Variants in IL12RB1 observed in about 807,000 individuals in gnomAD.
IL12RB1 encodes interleukin 12 receptor subunit beta 1, also known as interleukin-12 receptor subunit beta-1.
IL12RB1 carries 64 observed loss-of-function variants against 94.4 expected under a neutral mutation model. That is an observed-to-expected ratio of 0.68 (90% CI 0.55 to 0.83). The LOEUF is 0.83. Among genes scored for constraint, IL12RB1 ranks in the 40% least tolerant of loss-of-function variants. IL12RB1 has a pLI of 0.00. For missense variants in IL12RB1, 814 were observed against 855.6 expected, an observed-to-expected ratio of 0.95 and a Z score of 0.61; for synonymous variants, 362 against 355.5, an observed-to-expected ratio of 1.02 and a Z score of -0.21.
chr19:18,061,760 G>A (rs968891291), intron 14 of IL12RB1, among the ~76,000 whole-genome samples: 2 of 152,016 alleles, frequency 1.3e-5, no homozygotes, highest in African/African-American at 2.4e-5. Context: ...CTACTTGGGA[G>A]GCTGAGACAG....
chr19:18,079,998 C>G, intron 4 of IL12RB1, among the ~76,000 whole-genome samples: 1 of 152,146 alleles, frequency 6.6e-6, no homozygotes. Context: ...TGTCCTCCAG[C>G]TTTGTCCATG....
intron 13 of IL12RB1, among the ~76,000 whole-genome samples, chr19:18,063,082 T>C (rs1399228414): frequency 3.3e-5 from 1 of 30,130 alleles, no homozygotes; most frequent in African/African-American, 8.9e-5. Flanking sequence ...TCTTCTATTT[T>C]TTTTTTTTTT....
Position 18,086,256 on chromosome 19 carries a change from ATAAATAAATAAATAAG to A in IL12RB1, c.64+488_64+503del, listed in dbSNP as rs1412070176. ...AATAAATAAATAAATAAATAAATAA[ATAAATAAATAAATAAG>A]TAAAGTATACGGAAGGATGTGCATA... On this transcript the variant is annotated intron_variant, in intron 1 of 16. Transcript: ENST00000593993. Among the ~76,000 whole-genome samples the A allele has an allele frequency of 3.5e-5, 5 of 144,846 alleles. No homozygotes were observed. The East Asian group carries it at 8.4e-4, about 24-fold the overall frequency.
At position 18,076,417 on chromosome 19, in the gene IL12RB1, A is replaced by T. The variant is rs2035483977; in HGVS notation, c.550-90T>A. The T allele has an allele frequency of 5.4e-5, 40 of 742,782 alleles. No homozygotes were observed. In the South Asian group the frequency reaches 5.5e-4, roughly 10 times the overall value. 46.0% of individuals were successfully genotyped at this position (742,782 alleles called of 1,614,324 possible). Reference sequence around the variant, plus strand: ...CAATTAGTTATTTATTTACTTATTTATCTGAGACACGGTCTCACTCTGTCA... The same window carrying T: ...CAATTAGTTATTTATTTACTTATTTTTCTGAGACACGGTCTCACTCTGTCA... On this transcript the variant is annotated intron_variant, in intron 5 of 16. Coordinates refer to ENST00000593993, the MANE Select transcript of IL12RB1 (RefSeq NM_005535.3).
chr19:18,071,397 CTT>C (rs774081215), intron 9 of IL12RB1: 209 of 892,360 alleles, frequency 2.3e-4, no homozygotes, highest in Non-Finnish European at 3.1e-4. Context: ...AGCCTTTTTT[CTT>C]TCTTTCTCTC....
At chr19:18,087,493 A>G (rs2036420393), upstream of IL12RB1, among the ~76,000 whole-genome samples, 1 of 151,812 alleles carries the variant, frequency 6.6e-6, no homozygotes, top group Non-Finnish European at 1.5e-5. Flanking sequence ...GACAGGCGTG[A>G]GCTACCGTGC....
At chr19:18,092,184 C>CT (rs112888209) in intron 1 of IL12RB1, among the ~76,000 whole-genome samples, 3,524 of 129,356 alleles carry the variant, frequency 0.027, 55 homozygotes, top group Non-Finnish European at 0.034. Flanking sequence ...GACCATCCAG[C>CT]TTTTTTTTTT....
At chr19:18,061,237 T>G (rs1441609018) in intron 14 of IL12RB1, 40 bp from the exon 15 acceptor site, 1 of 1,107,896 alleles carries the variant, frequency 9.0e-7, no homozygotes. Flanking sequence ...GCTGAGGTTT[T>G]TTTTTTTTTT....
chr19:18,075,818 G>T lies in IL12RB1; in HGVS notation c.631C>A (p.Arg211=). ...EMNVAQEFQL[R]RRQLGSQGSS... Reference sequence around the variant, plus strand: ...CCTTGGCTCCCCAGCTGCCGTCGTCGGAGCTGGAATTCCTGGGCCACATTC... The same window carrying T: ...CCTTGGCTCCCCAGCTGCCGTCGTCTGAGCTGGAATTCCTGGGCCACATTC... The change falls in exon 7 of 17, where the codon CGA becomes AGA. Residue 211 remains arginine, a synonymous_variant. Transcript: ENST00000593993. The T allele has an allele frequency of 6.2e-7, 1 of 1,612,978 alleles. No homozygotes were observed. The highest frequency in any genetic ancestry group is 1.1e-5 in the South Asian group (1 of 91,044).
chr19:18,061,067 T>A, intron 15 of IL12RB1, 55 bp downstream of exon 15: 1 of 923,082 alleles, frequency 1.1e-6, no homozygotes, highest in Non-Finnish European at 1.8e-6. Flanking sequence ...TGCGTAACCC[T>A]TGTCCAGCAT....
At chr19:18,068,908 C>G (rs1568494305) in intron 10 of IL12RB1, among the ~76,000 whole-genome samples, 1 of 152,014 alleles carries the variant, frequency 6.6e-6, no homozygotes, top group Non-Finnish European at 1.5e-5. Flanking sequence ...CACCATCATG[C>G]CTGGCTAATT....
upstream of IL12RB1, among the ~76,000 whole-genome samples, chr19:18,089,784 A>G (rs564880188): frequency 2.0e-4 from 31 of 152,208 alleles, no homozygotes; most frequent in Non-Finnish European, 3.5e-4. Flanking sequence ...GGGTTGTGCA[A>G]TGCGGTTCAG....
chr19:18,063,739 T>G, intron 13 of IL12RB1, 137 bp downstream of exon 13: 1 of 746,646 alleles, frequency 1.3e-6, no homozygotes, highest in Non-Finnish European at 2.1e-6. Context: ...GGGAGCAGTT[T>G]GAGCTGCTAC....
chr19:18,065,054 C>T (rs2034480559), intron 12 of IL12RB1, among the ~76,000 whole-genome samples: 1 of 152,132 alleles, frequency 6.6e-6, no homozygotes, highest in South Asian at 2.1e-4. Flanking sequence ...TAATTAAAAG[C>T]GGGTATAAAT....
chr19:18,083,124 GT>G (rs1011117342), intron 2 of IL12RB1: 2 of 535,044 alleles, frequency 3.7e-6, no homozygotes, highest in Non-Finnish European at 6.7e-6. Flanking sequence ...AATTTATCAG[GT>G]TGGGGGGGGG....
chr19:18,062,998 TTCCTCC>T (rs66462934), intron 13 of IL12RB1, among the ~76,000 whole-genome samples: 70 of 90,818 alleles, frequency 7.7e-4, no homozygotes, highest in Middle Eastern at 6.6e-3. Context: ...TGTTGTTCTC[TTCCTCC>T]TCCTCCTCCT....
At chr19:18,088,520 T>C (rs845328), upstream of IL12RB1, among the ~76,000 whole-genome samples, 39,019 of 148,228 alleles carry the variant, frequency 0.26, 5,502 homozygotes, top group African/African-American at 0.38. Context: ...ATCGTGATTG[T>C]GCCACTGCAC....
chr19:18,097,811 C>T (rs1599621163), intron 1 of IL12RB1: 1 of 1,226,542 alleles, frequency 8.2e-7, no homozygotes, highest in Non-Finnish European at 1.0e-6. Context: ...GTCGAGCCTC[C>T]TGCGGCGCCG....
Position 18,069,600 on chromosome 19 carries a change from C to T in IL12RB1, c.1135G>A (p.Gly379Ser), listed in dbSNP as rs1201099204. The T allele has an allele frequency of 1.2e-6, 2 of 1,612,864 alleles. No homozygotes were observed. The highest frequency in any genetic ancestry group is 3.3e-5 in the Admixed American group (2 of 60,000). The stretch of plus-strand genomic sequence containing the variant: ...GCAGTCAGGCTGCAGGTGGCAAGGC[C>T]CCCGTCCTGGCCCACAGGCTGCCAT... ...IEWQPVGQDG[G>S]LATCSLTAPQ... Residue 379 changes from glycine to serine, a missense_variant, in exon 10 of 17, where the codon GGC (glycine) becomes AGC (serine). Coordinates refer to ENST00000593993, the MANE Select transcript of IL12RB1 (RefSeq NM_005535.3).
Sources: gnomAD v4.1 joint callset for allele counts (sites outside exome capture counted in the v4.1 genomes callset) on GRCh38, gnomAD v4.1.1 for gene constraint, MANE v1.5 for transcripts, NCBI Gene and HGNC (gene_info 2026-07-23, HGNC 2026-07-21) for gene names.